The following C16orf78 variants were observed in gnomAD, a reference collection of about 807,000 sequenced individuals.
The protein encoded by C16orf78 is chromosome 16 open reading frame 78, also known as uncharacterized protein C16orf78.
Under a neutral mutation model 27.3 loss-of-function variants are expected in C16orf78, and 19 were observed. The observed-to-expected ratio is 0.70, with a 90% CI of 0.49 to 1.02. The LOEUF (loss-of-function observed/expected upper bound fraction) is 1.02, where lower values mean the gene tolerates loss of function less well. C16orf78 is among the 50% of genes least tolerant of loss of function. C16orf78 has a pLI of 0.00. For synonymous variants in C16orf78, 130 were observed against 116.1 expected (o/e 1.12, Z -0.77); for missense variants, 339 against 337.0 (o/e 1.01, Z -0.05).
intron 3 of C16orf78, among the ~76,000 whole-genome samples, chr16:49,390,681 G>A (rs937556378): frequency 5.9e-5 from 9 of 152,200 alleles, no homozygotes; most frequent in South Asian, 2.1e-4. Flanking sequence ...TTTCACTAGA[G>A]TACTTTCTTT....
At chr16:49,390,485 C>T (rs1965399217) in intron 3 of C16orf78, among the ~76,000 whole-genome samples, 1 of 152,100 alleles carries the variant, frequency 6.6e-6, no homozygotes, top group East Asian at 1.9e-4. Context: ...TTTTCTTCTC[C>T]AATACCTAAT....
intron 3 of C16orf78, among the ~76,000 whole-genome samples, chr16:49,394,207 T>G (rs1473105960): frequency 2.6e-5 from 4 of 152,222 alleles, no homozygotes; most frequent in Admixed American, 2.6e-4. Flanking sequence ...CTGCATTAAT[T>G]TAAAAAGCTA....
intron 3 of C16orf78, among the ~76,000 whole-genome samples, chr16:49,390,777 C>G (rs152663): frequency 0.4 from 61,200 of 152,044 alleles, 14,796 homozygotes; most frequent in African/African-American, 0.68. Flanking sequence ...TCCTGTTCTA[C>G]CTCTTATGGT....
At position 49,374,074 on chromosome 16, in the gene C16orf78, GA is replaced by G. The variant is rs1567388498; in HGVS notation, c.138del (p.Lys46AsnfsTer12). The G allele has an allele frequency of 6.2e-7, 1 of 1,614,094 alleles. No individual in the cohort carries two copies. ...GGCTGGAGCGGAGGCAGGGGAAGAA[GA>G]AACAAGCTCCCGAGGTGGGTACCAT... ...EWLERRQGKK[K>X]QAPEKQKPKV... is the part of the protein sequence containing the mutation. On this transcript the variant is annotated frameshift_variant, in exon 1 of 5. Coordinates refer to ENST00000299191, the MANE Select transcript of C16orf78 (RefSeq NM_144602.4). LOFTEE classifies it high-confidence loss of function.
chr16:49,392,057 C>T (rs1350479911), intron 3 of C16orf78, among the ~76,000 whole-genome samples: 1 of 152,216 alleles, frequency 6.6e-6, no homozygotes, highest in Non-Finnish European at 1.5e-5. Flanking sequence ...AGGCCACTGT[C>T]TCTGCATTTA....
intron 4 of C16orf78, among the ~76,000 whole-genome samples, chr16:49,398,315 G>A (rs1439419860): frequency 1.3e-5 from 2 of 152,116 alleles, no homozygotes; most frequent in South Asian, 2.1e-4. Flanking sequence ...CTGAGTAGGG[G>A]GCCTACACCC....
At chr16:49,389,502 A>G (rs1296551707) in intron 3 of C16orf78, among the ~76,000 whole-genome samples, 1 of 152,080 alleles carries the variant, frequency 6.6e-6, no homozygotes, top group African/African-American at 2.4e-5. Context: ...AGGCTGAGGC[A>G]GGAGAATCAC....
Position 49,391,728 on chromosome 16 carries a change from T to C in C16orf78, c.395-4695T>C, listed in dbSNP as rs191941645. Reference sequence around the variant, plus strand: ...AACACATGTTAGCTAATCTGTGTAATTGTCATTACTTTTTATATTGCTATC... The same window carrying C: ...AACACATGTTAGCTAATCTGTGTAACTGTCATTACTTTTTATATTGCTATC... On this transcript the variant is annotated intron_variant, in intron 3 of 4. Coordinates refer to ENST00000299191, the MANE Select transcript of C16orf78 (RefSeq NM_144602.4). Among the ~76,000 whole-genome samples, 47 of 152,296 alleles carry C rather than the reference T, an allele frequency of 3.1e-4. 1 individual carries two copies. Among genetic ancestry groups the C allele is most frequent in the African/African-American group, 1.1e-3 (46 of 41,568 alleles).
intron 3 of C16orf78, among the ~76,000 whole-genome samples, chr16:49,385,453 C>T (rs1375043825): frequency 3.9e-5 from 6 of 152,008 alleles, no homozygotes; most frequent in Admixed American, 6.6e-5. Flanking sequence ...GGTTGGATCA[C>T]GAGGTCAGGA....
At chr16:49,397,645 G>A (rs763455935) in intron 4 of C16orf78, among the ~76,000 whole-genome samples, 13 of 152,210 alleles carry the variant, frequency 8.5e-5, no homozygotes, top group Non-Finnish European at 1.9e-4. Flanking sequence ...CGGGTTCCAT[G>A]GTGGGGGGAA....
At chr16:49,398,901 T>C (rs1293895228) in intron 4 of C16orf78, among the ~76,000 whole-genome samples, 5 of 152,198 alleles carry the variant, frequency 3.3e-5, no homozygotes, top group Non-Finnish European at 7.4e-5. Context: ...ATGTTTTTTC[T>C]CTGGAGTCAA....
At chr16:49,376,427 G>A (rs973005295) in intron 1 of C16orf78, among the ~76,000 whole-genome samples, 4 of 152,176 alleles carry the variant, frequency 2.6e-5, no homozygotes, top group African/African-American at 9.7e-5. Context: ...GTGACTCTTT[G>A]AGGGAGGCTG....
At chr16:49,399,038 C>A in intron 4 of C16orf78, 93 bp from the exon 5 acceptor site, 1 of 1,392,836 alleles carries the variant, frequency 7.2e-7, no homozygotes, top group Non-Finnish European at 1.0e-6. Context: ...AGCACCCACA[C>A]TTACTGCTGC....
At chr16:49,387,795 T>C (rs940302233) in intron 3 of C16orf78, among the ~76,000 whole-genome samples, 1 of 152,180 alleles carries the variant, frequency 6.6e-6, no homozygotes, top group African/African-American at 2.4e-5. Flanking sequence ...CTTGAGAGGG[T>C]GTATGTGTCC....
At chr16:49,381,513 C>T (rs1965287096) in intron 3 of C16orf78, among the ~76,000 whole-genome samples, 1 of 152,118 alleles carries the variant, frequency 6.6e-6, no homozygotes, top group South Asian at 2.1e-4. Context: ...GCAACCTACT[C>T]ATCTGACAAA....
At chr16:49,387,673 C>T (rs1267463111) in intron 3 of C16orf78, among the ~76,000 whole-genome samples, 1 of 152,096 alleles carries the variant, frequency 6.6e-6, no homozygotes, top group Non-Finnish European at 1.5e-5. Flanking sequence ...TCTGTCTGGT[C>T]CTGGGCTTTT....
At chr16:49,398,198 A>G (rs1476516038) in intron 4 of C16orf78, among the ~76,000 whole-genome samples, 1 of 152,204 alleles carries the variant, frequency 6.6e-6, no homozygotes, top group African/African-American at 2.4e-5. Context: ...AGGCTCTGGG[A>G]AGATCTTAAA....
intron 3 of C16orf78, among the ~76,000 whole-genome samples, chr16:49,379,348 G>C (rs183875479): frequency 6.6e-6 from 1 of 151,982 alleles, no homozygotes; most frequent in African/African-American, 2.4e-5. Flanking sequence ...TGTTATGTCT[G>C]GCCCCTTGGG....
chr16:49,385,340 T>A lies in C16orf78; in HGVS notation c.394+6747T>A, dbSNP rs1459641686. On this transcript the variant is annotated intron_variant, in intron 3 of 4. Transcript: ENST00000299191. ...GTATAGTTTTAGTATATGATCTAAG[T>A]TAAGTTGTTACCAGTTTAAAATAGA... Among the ~76,000 whole-genome samples the A allele has an allele frequency of 3.3e-5, 5 of 152,130 alleles. No individual in the cohort carries two copies. The South Asian group carries it at 1.0e-3, about 32-fold the overall frequency.
Sources: gnomAD v4.1 joint callset for allele counts (sites outside exome capture counted in the v4.1 genomes callset) on GRCh38, gnomAD v4.1.1 for gene constraint, MANE v1.5 for transcripts, NCBI Gene and HGNC (gene_info 2026-07-23, HGNC 2026-07-21) for gene names.